FAM216B: variants seen among roughly 807,000 people sequenced by gnomAD.
FAM216B encodes the protein protein FAM216B.
A neutral mutation model predicts 12.9 loss-of-function variants in FAM216B; 11 were observed. The ratio of observed to expected loss-of-function variants is 0.86; its 90% CI spans 0.54 to 1.42. The LOEUF (loss-of-function observed/expected upper bound fraction) is 1.42, where lower values mean the gene tolerates loss of function less well. Among genes scored for constraint, FAM216B ranks in the 40% most tolerant of loss-of-function variants. FAM216B has a pLI of 0.00. For missense variants in FAM216B, 167 were observed against 162.9 expected (o/e 1.02, Z -0.14); for synonymous variants, 52 against 57.2 (o/e 0.91, Z 0.41).
chr13:42,786,635 T>TAA, intron 2 of FAM216B, 128 bp from the exon 3 acceptor site: 1 of 971,042 alleles, frequency 1.0e-6, no homozygotes, highest in Admixed American at 3.0e-5. Flanking sequence ...TTGTTGCACA[T>TAA]TAAAAAAAAA....
chr13:42,789,274 T>G lies in FAM216B; in HGVS notation c.*484T>G, dbSNP rs1174044423. 6.5e-6 allele frequency: 1 copy of G among 152,988 alleles called. No individual in the cohort carries two copies. Among genetic ancestry groups the G allele is most frequent in the African/African-American group, 2.4e-5 (1 of 41,462 alleles). The allele number at this position is 152,988 out of a possible 1,614,324, so 9.5% of individuals were successfully genotyped here. On this transcript the variant is annotated 3_prime_UTR_variant, in exon 4 of 4. Coordinates refer to ENST00000313851, the MANE Select transcript of FAM216B (RefSeq NM_001318932.2). ...CATTTCCTTCCTCTCCTCTTCCCCA[T>G]CAGGCAATGGCATTTAATTTAGCCC...
At chr13:42,782,304 G>T (rs763155094) in intron 1 of FAM216B, among the ~76,000 whole-genome samples, 4 of 152,178 alleles carry the variant, frequency 2.6e-5, no homozygotes, top group Non-Finnish European at 4.4e-5. Flanking sequence ...AGAGAGAGAA[G>T]AAACTGGCAT....
chr13:42,783,439 A>AT (rs920095275), intron 1 of FAM216B, among the ~76,000 whole-genome samples: 189 of 148,164 alleles, frequency 1.3e-3, no homozygotes, highest in South Asian at 1.9e-3. Flanking sequence ...TGAATTCCAG[A>AT]TTTTTTTTTT....
At chr13:42,787,698 C>A (rs574304801) in intron 3 of FAM216B, among the ~76,000 whole-genome samples, 7 of 152,204 alleles carry the variant, frequency 4.6e-5, no homozygotes, top group Non-Finnish European at 1.0e-4. Flanking sequence ...GGCTTTAGCA[C>A]ATCTACTTTA....
chr13:42,786,654 G>A, intron 2 of FAM216B, 109 bp from the exon 3 acceptor site: 3 of 1,271,096 alleles, frequency 2.4e-6, no homozygotes, highest in South Asian at 3.6e-5. Flanking sequence ...AAAAACATAT[G>A]GTTAGCAAGA....
intron 3 of FAM216B, among the ~76,000 whole-genome samples, chr13:42,787,205 T>A (rs1782102499): frequency 6.6e-6 from 1 of 152,244 alleles, no homozygotes; most frequent in South Asian, 2.1e-4. Context: ...ACAGCTCAGC[T>A]CCTTGCTGTG....
chr13:42,782,873 G>A (rs753522431), intron 1 of FAM216B, among the ~76,000 whole-genome samples: 7 of 151,938 alleles, frequency 4.6e-5, no homozygotes, highest in African/African-American at 7.3e-5. Flanking sequence ...GGAGAATGAC[G>A]TAAAGGCATA....
At position 42,790,608 on chromosome 13, in the gene FAM216B, GAAATGT is replaced by G. The variant is rs1874280178; in HGVS notation, c.*1819_*1824del. 6.6e-6 allele frequency: 1 copy of G among 152,162 alleles called. No individual in the cohort carries two copies. The highest frequency in any genetic ancestry group is 2.4e-5 in the African/African-American group (1 of 41,444). The allele number at this position is 152,162 out of a possible 1,614,324, so 9.4% of individuals were successfully genotyped here. On this transcript the variant is annotated 3_prime_UTR_variant, in exon 4 of 4. Transcript: ENST00000313851. ...CTTGAGACCTTACTTGAAACTTAAA[GAAATGT>G]GATTGGTTATGGTGCTGGGAGAAAG...
chr13:42,788,970 G>A lies in FAM216B; in HGVS notation c.*180G>A, dbSNP rs1874204736. On this transcript the variant is annotated 3_prime_UTR_variant, in exon 4 of 4. Coordinates refer to ENST00000313851, the MANE Select transcript of FAM216B (RefSeq NM_001318932.2). ...GACCAAGAGGTTTAAGAGCAATGGA[G>A]CCGAGAGTAAGCAAGCCTTTCCACA... 3.7e-6 allele frequency: 2 copies of A among 541,468 alleles called. No homozygotes were observed. Among genetic ancestry groups the A allele is most frequent in the Admixed American group, 6.5e-5 (2 of 30,616 alleles). 33.5% of individuals were successfully genotyped at this position (541,468 alleles called of 1,614,324 possible).
Position 42,784,172 on chromosome 13 carries a change from G to GATTTT in FAM216B, c.99+6_99+7insATTTT. On this transcript the variant is annotated splice_region_variant and intron_variant, in intron 2 of 3. Transcript: ENST00000313851. Reference sequence around the variant, plus strand: ...ATGACACTTCCTTACTAAAGGTATGGCTTTTTTTTTTTTTTTTTTTTCACA... The same window carrying GATTTT: ...ATGACACTTCCTTACTAAAGGTATGGATTTTCTTTTTTTTTTTTTTTTTTTTCACA... The GATTTT allele has an allele frequency of 1.2e-6, 1 of 808,996 alleles. No individual in the cohort carries two copies. The highest frequency in any genetic ancestry group is 4.5e-5 in the African/African-American group (1 of 22,314). 50.1% of individuals were successfully genotyped at this position (808,996 alleles called of 1,614,324 possible).
Position 42,791,197 on chromosome 13 carries a change from A to G in FAM216B, c.*2407A>G, listed in dbSNP as rs2138040182. ...TGAACTAGGTTCTAAACAATTTCTG[A>G]GGTTACTGTTGAGTTTTAAATAATA... On this transcript the variant is annotated 3_prime_UTR_variant, in exon 4 of 4. Transcript: ENST00000313851. The G allele has an allele frequency of 6.6e-6, 1 of 152,306 alleles. No individual in the cohort carries two copies. The highest frequency in any genetic ancestry group is 2.1e-4 in the South Asian group (1 of 4,824). 9.4% of individuals were successfully genotyped at this position (152,306 alleles called of 1,614,324 possible).
chr13:42,783,783 CAGTT>C (rs982997241), intron 1 of FAM216B, among the ~76,000 whole-genome samples: 1 of 151,904 alleles, frequency 6.6e-6, no homozygotes, highest in Non-Finnish European at 1.5e-5. Flanking sequence ...CTGTTCCAAA[CAGTT>C]AGAAAGACAA....
Position 42,789,357 on chromosome 13 carries a change from C to G in FAM216B, c.*567C>G, listed in dbSNP as rs1262648633. On this transcript the variant is annotated 3_prime_UTR_variant, in exon 4 of 4. Transcript: ENST00000313851. ...ACTTTGTGTCATCTTGAAACATGCA[C>G]TTATCAGTCTACCACAGCTGAATTG... 6.6e-6 allele frequency: 1 copy of G among 152,308 alleles called. No homozygotes were observed. The highest frequency in any genetic ancestry group is 1.5e-5 in the Non-Finnish European group (1 of 68,112). 9.4% of individuals were successfully genotyped at this position (152,308 alleles called of 1,614,324 possible).
chr13:42,787,004 A>G, intron 3 of FAM216B, 121 bp downstream of exon 3: 1 of 1,448,106 alleles, frequency 6.9e-7, no homozygotes. Flanking sequence ...TATTTTATCA[A>G]CATAGCTGGT....
rs1873933168 is a variant in FAM216B at position 42,783,371 on chromosome 13, G to T, written c.-14-683G>T. ...CAACCAAATGCTAACAATAATTATGGATAGTTAGATGCAAGTTGAGTATGC... is the reference window on the plus strand; with the variant it reads ...CAACCAAATGCTAACAATAATTATGTATAGTTAGATGCAAGTTGAGTATGC... On this transcript the variant is annotated intron_variant, in intron 1 of 3. Transcript: ENST00000313851. Among the ~76,000 whole-genome samples the T allele has an allele frequency of 3.3e-5, 5 of 151,776 alleles. No homozygotes were observed. The South Asian group carries it at 1.0e-3, about 31-fold the overall frequency.
rs763909321 is a variant in FAM216B, at chr13:42,786,759, A to G, written c.100-4A>G. 1.2e-6 allele frequency: 2 copies of G among 1,613,932 alleles called. No individual in the cohort carries two copies. Among genetic ancestry groups the G allele is most frequent in the Non-Finnish European group, 8.5e-7 (1 of 1,179,848 alleles). ...CATCAAAATCACCTGTTCTGTTCCA[A>G]CAGGCCCTCAACCAAGGGCAACAGC... On this transcript the variant is annotated splice_region_variant and splice_polypyrimidine_tract_variant and intron_variant, in intron 2 of 3. Coordinates refer to ENST00000313851, the MANE Select transcript of FAM216B (RefSeq NM_001318932.2).
rs777354857 is a variant in FAM216B, at chr13:42,788,842, C to G, written c.*52C>G. On this transcript the variant is annotated 3_prime_UTR_variant, in exon 4 of 4. Transcript: ENST00000313851. ...AAGTTTGCCCATGTATCCCTGGTAT[C>G]TAGTGGGTGCTTTGTGCATATTTGT... 6.7e-7 allele frequency: 1 copy of G among 1,503,686 alleles called. No individual in the cohort carries two copies. Among genetic ancestry groups the G allele is most frequent in the East Asian group, 2.3e-5 (1 of 44,022 alleles). 93.1% of individuals were successfully genotyped at this position (1,503,686 alleles called of 1,614,324 possible).
At position 42,791,147 on chromosome 13, in the gene FAM216B, G is replaced by A. The variant is rs1874300950; in HGVS notation, c.*2357G>A. ...AATTCTAAATAATATCAGTGATAAA[G>A]TATTCATCCCCCAAAATATTTTATT... On this transcript the variant is annotated 3_prime_UTR_variant, in exon 4 of 4. Coordinates refer to ENST00000313851, the MANE Select transcript of FAM216B (RefSeq NM_001318932.2). 1 of 152,154 alleles carries A rather than the reference G, an allele frequency of 6.6e-6. No individual in the cohort carries two copies. The highest frequency in any genetic ancestry group is 1.5e-5 in the Non-Finnish European group (1 of 68,026). 9.4% of individuals were successfully genotyped at this position (152,154 alleles called of 1,614,324 possible).
At chr13:42,786,978 G>T in intron 3 of FAM216B, 95 bp downstream of exon 3, 1 of 1,543,716 alleles carries the variant, frequency 6.5e-7, no homozygotes. Context: ...AAGCACAATG[G>T]CATCTACTGG....
Sources: gnomAD v4.1 joint callset for allele counts (sites outside exome capture counted in the v4.1 genomes callset) on GRCh38, gnomAD v4.1.1 for gene constraint, MANE v1.5 for transcripts, NCBI Gene and HGNC (gene_info 2026-07-23, HGNC 2026-07-21) for gene names.